Variants in CAPN9 observed in about 807,000 individuals in gnomAD.
The protein encoded by CAPN9 is calpain 9.
CAPN9 carries 81 observed loss-of-function variants against 92.8 expected under a neutral mutation model. The ratio of observed to expected loss-of-function variants is 0.87; its 90% CI spans 0.73 to 1.05. CAPN9 has a LOEUF of 1.05. Ranked by LOEUF, CAPN9 falls within the 50% of genes least tolerant of loss-of-function variation. The pLI, the probability that CAPN9 is intolerant of heterozygous loss-of-function variation, is 0.00. For synonymous variants in CAPN9, 304 were observed against 328.0 expected (o/e 0.93, Z 0.79); for missense variants, 848 against 866.2 (o/e 0.98, Z 0.26).
intron 11 of CAPN9, 133 bp downstream of exon 11, chr1:230,780,841 G>T: frequency 1.7e-6 from 1 of 584,408 alleles, no homozygotes. Flanking sequence ...AAGGCAGGAT[G>T]GTTTCTTTCT....
At chr1:230,768,968 G>A (rs543785690) in intron 5 of CAPN9, among the ~76,000 whole-genome samples, 13 of 152,202 alleles carry the variant, frequency 8.5e-5, no homozygotes, top group South Asian at 4.1e-4. Flanking sequence ...GGAAGCGAGC[G>A]CCTCCCCATC....
At chr1:230,790,879 AG>A (rs1235020335) in intron 14 of CAPN9, among the ~76,000 whole-genome samples, 2 of 152,160 alleles carry the variant, frequency 1.3e-5, no homozygotes, top group African/African-American at 4.8e-5. Context: ...TAAACCTGGG[AG>A]GTGGAGTTTG....
chr1:230,796,621 A>T (rs1668376846), intron 18 of CAPN9, among the ~76,000 whole-genome samples: 1 of 152,146 alleles, frequency 6.6e-6, no homozygotes, highest in South Asian at 2.1e-4. Context: ...CAAGCCAGGA[A>T]GCCGGCTTTC....
chr1:230,751,612 AAAGAAAGAAAGAAAGAAAGAAAG>A (rs1664809551), intron 1 of CAPN9, among the ~76,000 whole-genome samples: 2 of 27,858 alleles, frequency 7.2e-5, no homozygotes, highest in South Asian at 1.4e-3. Flanking sequence ...AAAGAAAGAG[AAAGAAAGAAAGAAAGAAAGAAAG>A]AAAGAAAGAA....
Position 230,775,373 on chromosome 1 carries a change from C to T in CAPN9, c.953+742C>T, listed in dbSNP as rs1041246660. On this transcript the variant is annotated intron_variant, in intron 8 of 19. Transcript: ENST00000271971. ...CTGCCCTGAGAGCATCTAAAGATAT[C>T]GACCTACGTAGGAAGTAAACATTTC... Among the ~76,000 whole-genome samples the T allele has an allele frequency of 2.9e-4, 44 of 152,188 alleles. 2 individuals carry two copies. The highest frequency in any genetic ancestry group is 2.9e-5 in the Non-Finnish European group (2 of 68,032).
At chr1:230,762,842 T>C (rs947733843) in intron 4 of CAPN9, 56 bp downstream of exon 4, 1 of 1,551,976 alleles carries the variant, frequency 6.4e-7, no homozygotes, top group South Asian at 1.2e-5. Context: ...TCTACACTAG[T>C]CTTTGTAGTG....
chr1:230,765,147 TATAC>T (rs1665891528), intron 4 of CAPN9, among the ~76,000 whole-genome samples: 1 of 151,592 alleles, frequency 6.6e-6, no homozygotes, highest in African/African-American at 2.4e-5. Flanking sequence ...CACATACATA[TATAC>T]ATACATACAT....
intron 8 of CAPN9, chr1:230,776,675 G>C (rs1666805046): frequency 6.6e-6 from 1 of 152,214 alleles, no homozygotes. Flanking sequence ...GGGTGGCTCT[G>C]TTCATACAGT....
rs553669650 is a variant in CAPN9 at position 230,762,747 on chromosome 1, A to G, written c.497A>G (p.Asn166Ser). The change falls in exon 4 of 20, where the codon AAC becomes AGC. Residue 166 changes from asparagine (N) to serine (S), a missense_variant. Physicochemically the swap from Asn to Ser is conservative, Grantham distance 46 (BLOSUM62 1). Coordinates refer to ENST00000271971, the MANE Select transcript of CAPN9 (RefSeq NM_006615.3). ...GTTTTCCTCCACTCTGCCGACCACA[A>G]CGAGTTCTGGAGCGCCTTGCTGGAA... is the stretch of plus-strand genomic sequence containing the variant. ...RLVFLHSADH[N>S]EFWSALLEKA... The G allele has an allele frequency of 1.7e-5, 27 of 1,614,126 alleles. 1 individual carries two copies. In the East Asian group the frequency reaches 2.5e-4, roughly 15 times the overall value.
Position 230,792,903 on chromosome 1 carries a change from A to AC in CAPN9, c.1846dup (p.Leu616ProfsTer27). On this transcript the variant is annotated frameshift_variant, in exon 17 of 20. Coordinates refer to ENST00000271971, the MANE Select transcript of CAPN9 (RefSeq NM_006615.3). LOFTEE classifies it high-confidence loss of function. ...AGTCCGGCACCATGTCTACCTATGA[A>AC]CTACGGACTGCACTGAAAGCTGCAG... is the stretch of plus-strand genomic sequence containing the variant. 2 of 1,613,942 alleles carry AC rather than the reference A, an allele frequency of 1.2e-6. No individual in the cohort carries two copies. Among genetic ancestry groups the AC allele is most frequent in the Non-Finnish European group, 1.7e-6 (2 of 1,179,846 alleles).
intron 13 of CAPN9, among the ~76,000 whole-genome samples, 189 bp downstream of exon 13, chr1:230,787,791 G>T (rs913162159): frequency 6.6e-6 from 1 of 152,222 alleles, no homozygotes; most frequent in African/African-American, 2.4e-5. Context: ...TACTTACACA[G>T]TCTGCGGCTG....
rs1664921826 is a variant in CAPN9 at position 230,752,631 on chromosome 1, A to G, written c.214-2706A>G. On this transcript the variant is annotated intron_variant, in intron 1 of 19. Coordinates refer to ENST00000271971, the MANE Select transcript of CAPN9 (RefSeq NM_006615.3). ...CAGGGAGGATGGGAAGGAGGCGGGC[A>G]TCCGGGAACAGCCCTGCCCCAGGAG... 3.1e-6 allele frequency: 3 copies of G among 978,064 alleles called. No individual in the cohort carries two copies. In the African/African-American group the frequency reaches 5.3e-5, roughly 17 times the overall value. The allele number at this position is 978,064 out of a possible 1,614,324, so 60.6% of individuals were successfully genotyped here.
intron 2 of CAPN9, among the ~76,000 whole-genome samples, chr1:230,755,951 T>C (rs565091732): frequency 6.6e-6 from 1 of 152,036 alleles, no homozygotes; most frequent in South Asian, 2.1e-4. Flanking sequence ...AGCAATCCAG[T>C]CTCCCTCCTG....
At chr1:230,780,047 T>G in intron 9 of CAPN9, 132 bp from the exon 10 acceptor site, 1 of 657,254 alleles carries the variant, frequency 1.5e-6, no homozygotes. Context: ...TCATGTTTGG[T>G]AGGACATATA....
chr1:230,754,633 T>G, intron 1 of CAPN9, among the ~76,000 whole-genome samples: 1 of 91,466 alleles, frequency 1.1e-5, no homozygotes. Context: ...GAGACCCCCA[T>G]CTCCACAAAA....
intron 11 of CAPN9, among the ~76,000 whole-genome samples, chr1:230,781,322 T>C (rs1667212363): frequency 6.6e-6 from 1 of 152,196 alleles, no homozygotes; most frequent in African/African-American, 2.4e-5. Flanking sequence ...ACCTTCATTT[T>C]TCAGACCCTA....
chr1:230,779,940 G>C (rs779731528), intron 9 of CAPN9, among the ~76,000 whole-genome samples: 1 of 152,182 alleles, frequency 6.6e-6, no homozygotes, highest in South Asian at 2.1e-4. Flanking sequence ...TTGAAGAGAA[G>C]GTGGAAATGA....
At position 230,756,078 on chromosome 1, in the gene CAPN9, C is replaced by T. The variant is rs28359600; in HGVS notation, c.283+672C>T. Among the ~76,000 whole-genome samples, 348 of 151,562 alleles carry T rather than the reference C, an allele frequency of 2.3e-3. 1 individual carries two copies. Among genetic ancestry groups the T allele is most frequent in the African/African-American group, 7.8e-3 (324 of 41,474 alleles). On this transcript the variant is annotated intron_variant, in intron 2 of 19. Transcript: ENST00000271971. ...ATGAAAGACAGAGAAAGTGAGAGAG[C>T]GAGAGACTTTCTTTTAAAAAATACC...
intron 4 of CAPN9, among the ~76,000 whole-genome samples, chr1:230,766,443 C>G (rs1665989589): frequency 6.6e-6 from 1 of 152,138 alleles, no homozygotes; most frequent in Non-Finnish European, 1.5e-5. Context: ...TTTAATAGCC[C>G]TAGTCTTACC....
Sources: allele counts gnomAD v4.1 joint callset (sites outside exome capture counted in the v4.1 genomes callset), GRCh38; gene constraint gnomAD v4.1.1; transcripts MANE v1.5; gene names NCBI Gene and HGNC (gene_info 2026-07-23, HGNC 2026-07-21).